The following ZFAT variants were observed in gnomAD, a reference collection of about 807,000 sequenced individuals.
ZFAT encodes zinc finger and AT-hook domain containing, also known as zinc finger protein ZFAT.
ZFAT carries 64 observed loss-of-function variants against 117.7 expected under a neutral mutation model. That is an observed-to-expected ratio of 0.54 (90% CI 0.44 to 0.67). ZFAT has a LOEUF of 0.67. Among genes scored for constraint, ZFAT ranks in the 30% least tolerant of loss-of-function variants. The probability of loss-of-function intolerance (pLI) is 0.00; values close to 1 mark genes in which losing one functional copy is unlikely to be tolerated. For missense variants in ZFAT, 1,433 were observed against 1,584.5 expected (o/e 0.90, Z 1.62); for synonymous variants, 679 against 615.0 (o/e 1.10, Z -1.54).
intron 8 of ZFAT, among the ~76,000 whole-genome samples, chr8:134,589,080 T>C (rs769756556): frequency 6.6e-6 from 1 of 152,244 alleles, no homozygotes; most frequent in Non-Finnish European, 1.5e-5. Flanking sequence ...AAGTGACAGA[T>C]ACAGGAGGTT....
At chr8:134,776,672 G>A in the ZFAT span, among the ~76,000 whole-genome samples, 1 of 152,180 alleles carries the variant, frequency 6.6e-6, no homozygotes, top group Non-Finnish European at 1.5e-5. Context: ...CGAAGCCACA[G>A]GAAGAAAATT....
At chr8:134,531,878 A>G (rs1821445630) in intron 12 of ZFAT, among the ~76,000 whole-genome samples, 1 of 152,228 alleles carries the variant, frequency 6.6e-6, no homozygotes, top group African/African-American at 2.4e-5. Flanking sequence ...GCGGAGCTTC[A>G]CGCTGAAACA....
At chr8:134,675,115 T>C (rs889071838) in intron 1 of ZFAT, among the ~76,000 whole-genome samples, 14 of 152,130 alleles carry the variant, frequency 9.2e-5, no homozygotes, top group African/African-American at 2.7e-4. Flanking sequence ...GTTTGACAAA[T>C]TGACAGAAGT....
chr8:134,550,309 G>A (rs1230040616), intron 11 of ZFAT, among the ~76,000 whole-genome samples: 1 of 41,380 alleles, frequency 2.4e-5, no homozygotes, highest in Admixed American at 3.4e-4. Flanking sequence ...TGGTCACAAC[G>A]GAAAAAAAAA....
At chr8:134,752,438 G>A in the ZFAT span, among the ~76,000 whole-genome samples, 1 of 152,100 alleles carries the variant, frequency 6.6e-6, no homozygotes, top group Non-Finnish European at 1.5e-5. Context: ...GACTGTTATT[G>A]TTCTATAAAA....
At chr8:134,560,454 T>C (rs1389009687) in intron 11 of ZFAT, among the ~76,000 whole-genome samples, 1 of 152,212 alleles carries the variant, frequency 6.6e-6, no homozygotes, top group Non-Finnish European at 1.5e-5. Context: ...AAAATTTTAT[T>C]TTAAAATAAA....
At chr8:134,495,312 AAG>A (rs927763312) in intron 15 of ZFAT, among the ~76,000 whole-genome samples, 2 of 152,122 alleles carry the variant, frequency 1.3e-5, no homozygotes, top group African/African-American at 4.8e-5. Context: ...ACATGGTGGA[AAG>A]AGAGAGATCA....
chr8:134,561,804 GT>G (rs1200767038), intron 11 of ZFAT, among the ~76,000 whole-genome samples: 1 of 152,058 alleles, frequency 6.6e-6, no homozygotes, highest in Non-Finnish European at 1.5e-5. Flanking sequence ...TTTGCCATTG[GT>G]ATATGTATGA....
the ZFAT span, chr8:134,723,758 C>T: frequency 6.6e-6 from 1 of 152,200 alleles, no homozygotes; most frequent in Non-Finnish European, 1.5e-5. Context: ...TTGACGAACA[C>T]ACATTTCAAC....
At chr8:134,569,037 T>C (rs556832087) in intron 10 of ZFAT, among the ~76,000 whole-genome samples, 4 of 152,282 alleles carry the variant, frequency 2.6e-5, no homozygotes, top group African/African-American at 7.2e-5. Context: ...AAGAAAAGAA[T>C]GATTACAAAG....
the ZFAT span, among the ~76,000 whole-genome samples, chr8:134,773,836 T>C: frequency 1.3e-5 from 2 of 151,920 alleles, no homozygotes; most frequent in Admixed American, 1.3e-4. Flanking sequence ...AGATGAGGAG[T>C]TGCTTTTTAT....
intron 2 of ZFAT, among the ~76,000 whole-genome samples, chr8:134,646,780 A>G (rs1049552346): frequency 3.9e-5 from 6 of 152,334 alleles, no homozygotes; most frequent in African/African-American, 1.2e-4. Flanking sequence ...ATTATATGCC[A>G]ACCAACTAGA....
At chr8:134,625,854 C>G (rs1414492453) in intron 3 of ZFAT, among the ~76,000 whole-genome samples, 1 of 152,154 alleles carries the variant, frequency 6.6e-6, no homozygotes, top group Non-Finnish European at 1.5e-5. Context: ...ACCGTGAGAC[C>G]GTTAATTAGA....
chr8:134,732,777 G>A, the ZFAT span, among the ~76,000 whole-genome samples: 1 of 152,194 alleles, frequency 6.6e-6, no homozygotes, highest in Non-Finnish European at 1.5e-5. Flanking sequence ...TATAGAGACA[G>A]TAAAAAGATC....
intron 11 of ZFAT, among the ~76,000 whole-genome samples, chr8:134,546,034 G>T (rs1563831953): frequency 2.0e-5 from 3 of 152,202 alleles, no homozygotes; most frequent in Non-Finnish European, 4.4e-5. Context: ...TACATAGCAT[G>T]CAACTGGTAG....
At chr8:134,483,596 T>C (rs911909780) in intron 15 of ZFAT, among the ~76,000 whole-genome samples, 2 of 152,228 alleles carry the variant, frequency 1.3e-5, no homozygotes, top group Non-Finnish European at 2.9e-5. Context: ...CACAGTGTCA[T>C]TATCCCCTGA....
At chr8:134,786,557 T>A in the ZFAT span, among the ~76,000 whole-genome samples, 2 of 152,316 alleles carry the variant, frequency 1.3e-5, no homozygotes, top group African/African-American at 4.8e-5. Context: ...ACATGGTATA[T>A]ACTATGTGAA....
chr8:134,794,922 G>C, the ZFAT span: 10 of 152,110 alleles, frequency 6.6e-5, no homozygotes, highest in Admixed American at 4.6e-4. Context: ...CACTGTGCAG[G>C]GTCCTTCACA....
chr8:134,710,193 C>A (rs557868889), intron 1 of ZFAT, among the ~76,000 whole-genome samples: 1 of 152,140 alleles, frequency 6.6e-6, no homozygotes, highest in African/African-American at 2.4e-5. Context: ...AGGCACCAAT[C>A]GAAAAGATAT....
Sources: allele counts gnomAD v4.1 joint callset (sites outside exome capture counted in the v4.1 genomes callset), GRCh38; gene constraint gnomAD v4.1.1; transcripts MANE v1.5; gene names NCBI Gene and HGNC (gene_info 2026-07-23, HGNC 2026-07-21).